The following PARPBP variants were observed in gnomAD, a reference collection of about 807,000 sequenced individuals.
The protein encoded by PARPBP is PCNA-interacting partner.
A neutral mutation model predicts 50.0 loss-of-function variants in PARPBP; 52 were observed. The observed-to-expected ratio is 1.04, with a 90% CI of 0.83 to 1.31. The LOEUF (loss-of-function observed/expected upper bound fraction) is 1.31. PARPBP is among the 50% of genes most tolerant of loss of function. PARPBP has a pLI of 0.00. For synonymous variants in PARPBP, 244 were observed against 232.1 expected (o/e 1.05, Z -0.47); for missense variants, 697 against 672.0 (o/e 1.04, Z -0.41).
At chr12:102,131,051 A>G (rs1882780895) in intron 2 of PARPBP, among the ~76,000 whole-genome samples, 1 of 152,092 alleles carries the variant, frequency 6.6e-6, no homozygotes, top group East Asian at 1.9e-4. Flanking sequence ...TCAAAAAGTA[A>G]CAGTGGCTCA....
intron 9 of PARPBP, among the ~76,000 whole-genome samples, chr12:102,190,625 C>T (rs939503852): frequency 2.0e-5 from 3 of 152,078 alleles, no homozygotes; most frequent in African/African-American, 4.8e-5. Flanking sequence ...GAAACAGGAT[C>T]TATAAAGGAG....
intron 9 of PARPBP, among the ~76,000 whole-genome samples, chr12:102,191,112 A>G (rs1372018938): frequency 6.6e-6 from 1 of 152,158 alleles, no homozygotes; most frequent in Non-Finnish European, 1.5e-5. Flanking sequence ...TATATCCCTC[A>G]TCCCAATTAA....
At chr12:102,124,350 A>T (rs1378600936) in intron 2 of PARPBP, among the ~76,000 whole-genome samples, 2 of 152,220 alleles carry the variant, frequency 1.3e-5, no homozygotes, top group Admixed American at 1.3e-4. Context: ...TTATTTAATA[A>T]GACTTTTTTC....
At chr12:102,175,764 G>A (rs1369239014) in intron 7 of PARPBP, 98 bp downstream of exon 7, 1 of 707,818 alleles carries the variant, frequency 1.4e-6, no homozygotes, top group South Asian at 3.0e-5. Context: ...AGTCAGAAGA[G>A]TGTGTTTCCT....
intron 4 of PARPBP, among the ~76,000 whole-genome samples, chr12:102,156,867 C>T (rs916988443): frequency 2.0e-5 from 3 of 152,134 alleles, no homozygotes; most frequent in Non-Finnish European, 4.4e-5. Context: ...GCTTCGAACT[C>T]CTGACCTCAA....
chr12:102,131,977 G>T (rs964758189), intron 2 of PARPBP, among the ~76,000 whole-genome samples: 17 of 152,202 alleles, frequency 1.1e-4, no homozygotes, highest in Non-Finnish European at 2.2e-4. Flanking sequence ...GCTGAGGCAG[G>T]CAGATGGCCT....
intron 4 of PARPBP, among the ~76,000 whole-genome samples, chr12:102,158,498 T>G (rs1887208727): frequency 6.6e-6 from 1 of 152,214 alleles, no homozygotes; most frequent in African/African-American, 2.4e-5. Context: ...TTTTCAAGCA[T>G]TTTCCTCTTT....
At chr12:102,159,459 T>C (rs1388082751) in intron 4 of PARPBP, among the ~76,000 whole-genome samples, 1 of 152,196 alleles carries the variant, frequency 6.6e-6, no homozygotes, top group Non-Finnish European at 1.5e-5. Flanking sequence ...AAAATCCTAA[T>C]GTGAATTTTT....
At chr12:102,154,380 G>A (rs1260803603) in intron 4 of PARPBP, among the ~76,000 whole-genome samples, 1 of 152,164 alleles carries the variant, frequency 6.6e-6, no homozygotes, top group Non-Finnish European at 1.5e-5. Flanking sequence ...GAGTTTGGAT[G>A]ATAGGGTTTG....
intron 2 of PARPBP, among the ~76,000 whole-genome samples, chr12:102,139,556 G>A (rs1884219571): frequency 6.6e-6 from 1 of 152,176 alleles, no homozygotes; most frequent in Non-Finnish European, 1.5e-5. Flanking sequence ...TCCCTGTCTT[G>A]TGCAAGTTTT....
In PARPBP at chr12:102,148,848, C is replaced by A. The variant is rs765357122; in HGVS notation, c.387+385C>A. On this transcript the variant is annotated intron_variant, in intron 3 of 10. Transcript: ENST00000327680. ...GGATAAATGATTGGTGTGACTTTTT[C>A]TATGGATTAATAATGTTATTTTACT... The A allele has an allele frequency of 4.7e-4, 78 of 164,818 alleles. No homozygotes were observed. The Middle Eastern group carries it at 0.017, about 36-fold the overall frequency. 10.2% of individuals were successfully genotyped at this position (164,818 alleles called of 1,614,324 possible).
chr12:102,121,571 T>TTTTAAA (rs57945278), intron 1 of PARPBP, among the ~76,000 whole-genome samples: 1 of 127,288 alleles, frequency 7.9e-6, no homozygotes, highest in African/African-American at 3.1e-5. Context: ...TTTTTTTTTT[T>TTTTAAA]AAGACAGAGT....
At position 102,175,691 on chromosome 12, in the gene PARPBP, A is replaced by T. The variant is rs756756670; in HGVS notation, c.1005+25A>T. ...GGTAATGAGCTTTTTATTTTTCATT[A>T]TCCTTTTATACAAATCATTATCTCT... On this transcript the variant is annotated intron_variant, in intron 7 of 10. Coordinates refer to ENST00000327680, the MANE Select transcript of PARPBP (RefSeq NM_017915.5). 18 of 1,469,636 alleles carry T rather than the reference A, an allele frequency of 1.2e-5. No individual in the cohort carries two copies. The East Asian group carries it at 3.6e-4, about 30-fold the overall frequency. 91.0% of individuals were successfully genotyped at this position (1,469,636 alleles called of 1,614,324 possible).
At chr12:102,192,742 A>T (rs927941329) in intron 9 of PARPBP, among the ~76,000 whole-genome samples, 1 of 151,972 alleles carries the variant, frequency 6.6e-6, no homozygotes, top group Middle Eastern at 3.2e-3. Flanking sequence ...CTGTTTGTCA[A>T]TAGCAAATTT....
At chr12:102,162,861 A>G (rs1175575802) in intron 4 of PARPBP, among the ~76,000 whole-genome samples, 1 of 152,054 alleles carries the variant, frequency 6.6e-6, no homozygotes, top group Non-Finnish European at 1.5e-5. Flanking sequence ...GATGAAATGA[A>G]ATTTATCTTT....
intron 2 of PARPBP, among the ~76,000 whole-genome samples, chr12:102,140,913 A>G (rs1884483816): frequency 6.6e-6 from 1 of 152,170 alleles, no homozygotes; most frequent in Admixed American, 6.5e-5. Flanking sequence ...CTTAGTGGTC[A>G]ATTTTGGAAT....
chr12:102,141,692 ATCTC>A (rs1434685073), intron 2 of PARPBP, among the ~76,000 whole-genome samples: 3 of 151,980 alleles, frequency 2.0e-5, no homozygotes, highest in Non-Finnish European at 4.4e-5. Flanking sequence ...TGGTGACAAA[ATCTC>A]TCAGCATTTG....
chr12:102,184,231 G>A (rs948591447), intron 9 of PARPBP, among the ~76,000 whole-genome samples: 2 of 151,628 alleles, frequency 1.3e-5, no homozygotes, highest in African/African-American at 4.8e-5. Context: ...ATGTTTATGG[G>A]ATACATGAGA....
At chr12:102,177,202 G>T (rs1889369631) in intron 7 of PARPBP, among the ~76,000 whole-genome samples, 1 of 152,236 alleles carries the variant, frequency 6.6e-6, no homozygotes, top group Admixed American at 6.5e-5. Flanking sequence ...AGTTCACCTG[G>T]TAACCTGAGT....
Sources: gnomAD v4.1 joint callset for allele counts (sites outside exome capture counted in the v4.1 genomes callset) on GRCh38, gnomAD v4.1.1 for gene constraint, MANE v1.5 for transcripts, NCBI Gene and HGNC (gene_info 2026-07-23, HGNC 2026-07-21) for gene names.